KPNA7: variants seen among roughly 807,000 people sequenced by gnomAD.
KPNA7 encodes importin subunit alpha-8.
A neutral mutation model predicts 53.7 loss-of-function variants in KPNA7; 54 were observed. The ratio of observed to expected loss-of-function variants is 1.01; its 90% CI spans 0.81 to 1.26. The LOEUF (loss-of-function observed/expected upper bound fraction) is 1.26, where lower values mean the gene tolerates loss of function less well. Ranked by LOEUF, KPNA7 falls within the 50% of genes most tolerant of loss-of-function variation. The pLI is 0.00. For synonymous variants in KPNA7, 276 were observed against 259.3 expected (o/e 1.06, Z -0.62); for missense variants, 640 against 644.5 (o/e 0.99, Z 0.07).
At chr7:99,167,265 G>T in the KPNA7 span, among the ~76,000 whole-genome samples, 3 of 152,050 alleles carry the variant, frequency 2.0e-5, no homozygotes, top group African/African-American at 4.8e-5. Flanking sequence ...CCTCCTTCAG[G>T]GCCAGCCTTG....
intron 3 of KPNA7, among the ~76,000 whole-genome samples, chr7:99,200,476 T>A (rs781569557): frequency 6.6e-5 from 10 of 152,152 alleles, no homozygotes; most frequent in Non-Finnish European, 1.3e-4. Context: ...TAGAGTAATA[T>A]TCACAGGTTT....
the KPNA7 span, among the ~76,000 whole-genome samples, chr7:99,150,500 C>T: frequency 5.3e-5 from 8 of 150,940 alleles, no homozygotes; most frequent in Admixed American, 4.0e-4. Context: ...CCACAATCTC[C>T]GCCTCCTGGG....
intron 2 of KPNA7, 104 bp from the exon 3 acceptor site, chr7:99,203,344 A>G (rs67749476): frequency 0.078 from 94,232 of 1,205,702 alleles, 4,022 homozygotes; most frequent in South Asian, 0.13. Context: ...TTACAGATAC[A>G]ATAGGCTGGA....
At chr7:99,168,577 C>A (rs1798716507), downstream of KPNA7, among the ~76,000 whole-genome samples, 1 of 152,092 alleles carries the variant, frequency 6.6e-6, no homozygotes, top group African/African-American at 2.4e-5. Context: ...GTGGCAGGAT[C>A]ATGGCTCACA....
At chr7:99,215,007 A>G (rs79726253) in intron 1 of KPNA7, among the ~76,000 whole-genome samples, 9,282 of 152,046 alleles carry the variant, frequency 0.061, 321 homozygotes, top group South Asian at 0.16. Context: ...CCTCTGGGAA[A>G]ACCCAAGACA....
At chr7:99,210,794 C>G (rs1036764550), upstream of KPNA7, among the ~76,000 whole-genome samples, 1 of 151,740 alleles carries the variant, frequency 6.6e-6, no homozygotes, top group Non-Finnish European at 1.5e-5. Flanking sequence ...ACTATGTTGC[C>G]CAGGCTGGTT....
Position 99,201,244 on chromosome 7 carries a change from G to T in KPNA7, c.201+1862C>A, listed in dbSNP as rs142283543. On this transcript the variant is annotated intron_variant, in intron 3 of 10. Coordinates refer to ENST00000327442, the MANE Select transcript of KPNA7 (RefSeq NM_001145715.3). ...TGAATGACTGGAGTTTCTATTTGAG[G>T]TGATGAATAGGTTCTGGAATTAGCT... Among the ~76,000 whole-genome samples the T allele has an allele frequency of 3.9e-5, 6 of 152,150 alleles. 1 individual carries two copies. The highest frequency in any genetic ancestry group is 3.9e-4 in the Admixed American group (6 of 15,274).
intron 3 of KPNA7, among the ~76,000 whole-genome samples, chr7:99,199,302 GA>G (rs556672051): frequency 6.6e-6 from 1 of 151,350 alleles, no homozygotes; most frequent in African/African-American, 2.4e-5. Flanking sequence ...AAATTATATT[GA>G]AAAAAAGAAC....
intron 6 of KPNA7, 64 bp from the exon 7 acceptor site, chr7:99,188,627 T>C: frequency 6.8e-7 from 1 of 1,469,200 alleles, no homozygotes; most frequent in South Asian, 1.3e-5. Flanking sequence ...CAGCAGTGTG[T>C]TCTTACCATT....
upstream of KPNA7, among the ~76,000 whole-genome samples, chr7:99,212,436 G>A (rs1584325068): frequency 6.6e-6 from 1 of 151,040 alleles, no homozygotes; most frequent in Non-Finnish European, 1.5e-5. Context: ...TCTTTTTTTG[G>A]TAGAGATGGG....
intron 9 of KPNA7, among the ~76,000 whole-genome samples, chr7:99,180,793 G>C (rs866963561): frequency 0.022 from 220 of 10,172 alleles, 1 homozygote; most frequent in Non-Finnish European, 0.038. Context: ...CCCCGTCTGT[G>C]TCTCTCTCTC....
chr7:99,216,551 C>T (rs191013831), intron 1 of KPNA7, among the ~76,000 whole-genome samples: 1 of 121,342 alleles, frequency 8.2e-6, no homozygotes, highest in Admixed American at 9.7e-5. Flanking sequence ...GGCTCCCAAG[C>T]TTCTTACCAA....
At chr7:99,206,001 C>T (rs940887664) in intron 2 of KPNA7, among the ~76,000 whole-genome samples, 4 of 152,176 alleles carry the variant, frequency 2.6e-5, no homozygotes, top group South Asian at 2.1e-4. Context: ...ACAGCCTGGA[C>T]TTCTCAGTTC....
At chr7:99,195,530 C>T (rs1790186481) in intron 4 of KPNA7, among the ~76,000 whole-genome samples, 192 bp from the exon 5 acceptor site, 1 of 151,994 alleles carries the variant, frequency 6.6e-6, no homozygotes, top group African/African-American at 2.4e-5. Context: ...AACCCCGTCC[C>T]ATCTCTACTA....
chr7:99,211,819 T>C (rs1047421769), upstream of KPNA7, among the ~76,000 whole-genome samples: 1 of 152,182 alleles, frequency 6.6e-6, no homozygotes, highest in African/African-American at 2.4e-5. Context: ...ATAGCCTATA[T>C]ACCTTGTCTG....
intron 9 of KPNA7, among the ~76,000 whole-genome samples, chr7:99,178,557 G>A (rs1434565485): frequency 6.6e-6 from 1 of 151,782 alleles, no homozygotes; most frequent in Non-Finnish European, 1.5e-5. Flanking sequence ...GACAGCATAA[G>A]ACTCAGTCTC....
intron 5 of KPNA7, among the ~76,000 whole-genome samples, chr7:99,194,836 C>G (rs1338380661): frequency 6.6e-6 from 1 of 152,104 alleles, no homozygotes; most frequent in Non-Finnish European, 1.5e-5. Flanking sequence ...AACTCCTGAC[C>G]TCAAGTGATC....
chr7:99,177,640 C>T lies in KPNA7; in HGVS notation c.1464+280G>A, dbSNP rs975253599. 6.0e-5 allele frequency among the ~76,000 whole-genome samples: 9 copies of T among 149,044 alleles called. No homozygotes were observed. The East Asian group carries it at 1.7e-3, about 29-fold the overall frequency. On this transcript the variant is annotated intron_variant, in intron 10 of 10. Transcript: ENST00000327442. ...ATCCTCTCCCCTGCCATACCTCTCC[C>T]AAAAAGGAGACCAGTAAAGTGAAGT...
In KPNA7 at chr7:99,178,032, C is replaced by CA; in HGVS notation, c.1351dup (p.Cys451LeufsTer12). ...CCCACCAAGTTCTTCTATCAGAAGA[C>CA]ACAGGTTTTCCTTCTCAGACCGTTT... On this transcript the variant is annotated frameshift_variant, in exon 10 of 11. Coordinates refer to ENST00000327442, the MANE Select transcript of KPNA7 (RefSeq NM_001145715.3). LOFTEE classifies it high-confidence loss of function. 1 of 1,551,660 alleles carries CA rather than the reference C, an allele frequency of 6.4e-7. No individual in the cohort carries two copies. Among genetic ancestry groups the CA allele is most frequent in the African/African-American group, 1.4e-5 (1 of 73,110 alleles).
Sources: gnomAD v4.1 joint callset for allele counts (sites outside exome capture counted in the v4.1 genomes callset) on GRCh38, gnomAD v4.1.1 for gene constraint, MANE v1.5 for transcripts, NCBI Gene and HGNC (gene_info 2026-07-23, HGNC 2026-07-21) for gene names.